The following ATAD2B variants were observed in gnomAD, a reference collection of about 807,000 sequenced individuals.
ATAD2B encodes ATPase family AAA domain-containing protein 2B.
ATAD2B carries 40 observed loss-of-function variants against 167.6 expected under a neutral mutation model. That is an observed-to-expected ratio of 0.24 (90% CI 0.19 to 0.31). The LOEUF is 0.31. Ranked by LOEUF, ATAD2B falls within the 10% of genes least tolerant of loss-of-function variation. ATAD2B has a pLI of 1.00. For missense variants in ATAD2B, 1,242 were observed against 1,757.2 expected (o/e 0.71, Z 5.24); for synonymous variants, 579 against 596.5 (o/e 0.97, Z 0.43).
At chr2:23,870,323 G>A (rs914680384) in intron 8 of ATAD2B, among the ~76,000 whole-genome samples, 2 of 117,494 alleles carry the variant, frequency 1.7e-5, no homozygotes, top group African/African-American at 3.3e-5. Flanking sequence ...GTCTCACTCT[G>A]TCACCCAGGC....
chr2:23,899,997 C>A (rs1476610453), intron 1 of ATAD2B, among the ~76,000 whole-genome samples: 5 of 140,374 alleles, frequency 3.6e-5, no homozygotes, highest in Non-Finnish European at 6.0e-5. Flanking sequence ...CGGCTCACTG[C>A]AACTTCCACC....
At chr2:23,728,480 G>GA in the ATAD2B span, among the ~76,000 whole-genome samples, 2 of 151,422 alleles carry the variant, frequency 1.3e-5, no homozygotes, top group Admixed American at 1.3e-4. Flanking sequence ...TACATACTAC[G>GA]AAAAAAAGTC....
the ATAD2B span, among the ~76,000 whole-genome samples, chr2:23,738,444 A>G: frequency 1.7e-3 from 264 of 152,344 alleles, no homozygotes; most frequent in African/African-American, 5.7e-3. Flanking sequence ...ATATCCAGCC[A>G]AACTAAGCTT....
At chr2:23,723,303 C>A in the ATAD2B span, among the ~76,000 whole-genome samples, 17 of 135,114 alleles carry the variant, frequency 1.3e-4, no homozygotes, top group African/African-American at 4.7e-4. Context: ...AACCAAAAAA[C>A]AACAGCAACA....
chr2:23,863,565 TA>T lies in ATAD2B; in HGVS notation c.1305-11del. On this transcript the variant is annotated splice_polypyrimidine_tract_variant and intron_variant, in intron 11 of 27. Coordinates refer to ENST00000238789, the MANE Select transcript of ATAD2B (RefSeq NM_017552.4). ...ATAAAACAAACAGCCCCTAGAAGAA[TA>T]AAAAAATCAAGAAGTGTAAATTATA... 1.3e-6 allele frequency: 2 copies of T among 1,537,154 alleles called. No homozygotes were observed. The highest frequency in any genetic ancestry group is 2.2e-5 in the Admixed American group (1 of 44,450).
intron 8 of ATAD2B, among the ~76,000 whole-genome samples, chr2:23,871,132 T>C (rs1695906594): frequency 1.3e-5 from 2 of 149,898 alleles, no homozygotes; most frequent in Admixed American, 1.3e-4. Context: ...ACCTCAAAAA[T>C]CATCCTAAAT....
chr2:23,777,410 A>G (rs1236325672), intron 22 of ATAD2B, among the ~76,000 whole-genome samples: 3 of 145,510 alleles, frequency 2.1e-5, no homozygotes, highest in African/African-American at 5.0e-5. Context: ...AAAGGCAAGA[A>G]TTGTCAGAGT....
At chr2:23,709,304 A>G in the ATAD2B span, among the ~76,000 whole-genome samples, 1 of 152,060 alleles carries the variant, frequency 6.6e-6, no homozygotes, top group African/African-American at 2.4e-5. Flanking sequence ...AGCCTCCGAA[A>G]GTGCTGGGAT....
chr2:23,799,956 G>A (rs1683219773), intron 18 of ATAD2B: 1 of 151,838 alleles, frequency 6.6e-6, no homozygotes, highest in Non-Finnish European at 1.5e-5. Context: ...CTCCTATCCT[G>A]GATCTTGGAA....
chr2:23,836,316 T>C (rs1689959794), intron 13 of ATAD2B, among the ~76,000 whole-genome samples: 1 of 152,144 alleles, frequency 6.6e-6, no homozygotes, highest in Non-Finnish European at 1.5e-5. Flanking sequence ...CGGCTGCCAC[T>C]GGGGAACGTG....
intron 22 of ATAD2B, among the ~76,000 whole-genome samples, chr2:23,767,708 T>C (rs1677649721): frequency 6.6e-6 from 1 of 152,124 alleles, no homozygotes; most frequent in Admixed American, 6.5e-5. Context: ...GAGAGGATGA[T>C]GACTTGAACT....
the ATAD2B span, chr2:23,695,803 C>A: frequency 1.3e-6 from 2 of 1,549,686 alleles, no homozygotes; most frequent in South Asian, 1.2e-5. The surrounding 1 kb of genome is among the most constrained non-coding windows in gnomAD (Gnocchi z 7.6). Flanking sequence ...GCCCCGAACC[C>A]GGCCGCGCCT....
chr2:23,696,472 C>A, the ATAD2B span: 1 of 1,546,792 alleles, frequency 6.5e-7, no homozygotes, highest in Non-Finnish European at 8.7e-7. This position sits in a 1 kb window ranked among gnomAD's most constrained non-coding sequence, Gnocchi z 5.5. Flanking sequence ...TTTACACCCT[C>A]GGGGGACTTG....
intron 13 of ATAD2B, 130 bp downstream of exon 13, chr2:23,857,285 A>G (rs113430365): frequency 2.7e-5 from 14 of 525,652 alleles, no homozygotes; most frequent in African/African-American, 1.8e-4. Flanking sequence ...AAGAGAAAGA[A>G]GTAGTCCTCA....
At chr2:23,705,318 C>T in the ATAD2B span, among the ~76,000 whole-genome samples, 1 of 152,138 alleles carries the variant, frequency 6.6e-6, no homozygotes, top group Non-Finnish European at 1.5e-5. Context: ...TGGTGAAACC[C>T]CGTCTCTACT....
At chr2:23,765,362 A>G in intron 23 of ATAD2B, 144 bp downstream of exon 23, 1 of 662,230 alleles carries the variant, frequency 1.5e-6, no homozygotes. Flanking sequence ...GAATTTACAT[A>G]ACACATTAGT....
At chr2:23,748,658 A>C (rs550705214), downstream of ATAD2B, 1 of 152,320 alleles carries the variant, frequency 6.6e-6, no homozygotes, top group Non-Finnish European at 1.5e-5. Context: ...AAGCTAAAGA[A>C]AGACATGTTT....
intron 18 of ATAD2B, among the ~76,000 whole-genome samples, chr2:23,803,307 T>C (rs1280758606): frequency 6.9e-6 from 1 of 144,988 alleles, no homozygotes; most frequent in Non-Finnish European, 1.5e-5. Flanking sequence ...CAGTAACATA[T>C]GTGTGTACAC....
At chr2:23,694,023 C>T in the ATAD2B span, among the ~76,000 whole-genome samples, 1 of 152,186 alleles carries the variant, frequency 6.6e-6, no homozygotes, top group African/African-American at 2.4e-5. Context: ...AGGTGGGAGG[C>T]AGGGTTTCTT....
Sources: allele counts gnomAD v4.1 joint callset (sites outside exome capture counted in the v4.1 genomes callset), GRCh38; gene constraint gnomAD v4.1.1; non-coding constraint Gnocchi (gnomAD v3.1); transcripts MANE v1.5; gene names NCBI Gene and HGNC (gene_info 2026-07-23, HGNC 2026-07-21).